The following SLC1A2 variants were observed in gnomAD, a reference collection of about 807,000 sequenced individuals.
SLC1A2 encodes solute carrier family 1 member 2, also known as excitatory amino acid transporter 2.
In SLC1A2, 15 loss-of-function variants were observed where a neutral mutation model predicts 48.8. The ratio of observed to expected loss-of-function variants is 0.31; its 90% confidence interval spans 0.21 to 0.47. SLC1A2 has a LOEUF of 0.47. SLC1A2 is among the 20% of genes least tolerant of loss of function. The pLI is 0.99. For missense variants in SLC1A2, 502 were observed against 730.5 expected (o/e 0.69, Z 3.61); for synonymous variants, 279 against 272.6 (o/e 1.02, Z -0.23).
intron 1 of SLC1A2, among the ~76,000 whole-genome samples, 167 bp from the exon 2 acceptor site, chr11:35,317,683 C>T (rs1001964864): frequency 3.9e-5 from 6 of 152,286 alleles, no homozygotes; most frequent in African/African-American, 1.4e-4. Context: ...GACAGGAGGA[C>T]ACACTGAGAA....
chr11:35,342,521 T>TTG (rs1555010560), intron 1 of SLC1A2, among the ~76,000 whole-genome samples: 133 of 151,282 alleles, frequency 8.8e-4, no homozygotes, highest in Admixed American at 2.6e-3. Context: ...GAGTGTTTTT[T>TTG]TTGTTGTTGT....
At position 35,281,059 on chromosome 11, in the gene SLC1A2, C is replaced by T. The variant is rs984694431; in HGVS notation, c.1287-58G>A. The T allele has an allele frequency of 8.2e-5, 121 of 1,475,898 alleles. 1 individual carries two copies. The South Asian group carries it at 1.5e-3, about 19-fold the overall frequency. The allele number at this position is 1,475,898 out of a possible 1,614,324, so 91.4% of individuals were successfully genotyped here. On this transcript the variant is annotated intron_variant, in intron 8 of 10. Coordinates refer to ENST00000278379, the MANE Select transcript of SLC1A2 (RefSeq NM_004171.4). Reference sequence around the variant, plus strand: ...TGGAAAGAATCTTAGCAAAACCAACCCTGGCAATTTTAAGCTCTAATTTTC... The same window carrying T: ...TGGAAAGAATCTTAGCAAAACCAACTCTGGCAATTTTAAGCTCTAATTTTC...
intron 1 of SLC1A2, among the ~76,000 whole-genome samples, chr11:35,327,667 C>A (rs992830216): frequency 4.8e-4 from 73 of 152,190 alleles, no homozygotes; most frequent in African/African-American, 1.7e-3. Flanking sequence ...AACTTTCTAA[C>A]AAATAAGCTA....
At chr11:35,358,410 CA>C (rs1166831298) in intron 1 of SLC1A2, among the ~76,000 whole-genome samples, 1 of 152,080 alleles carries the variant, frequency 6.6e-6, no homozygotes, top group Non-Finnish European at 1.5e-5. Context: ...AAATGAACTT[CA>C]AGGAATTCAT....
chr11:35,357,337 C>G (rs1269455626), intron 1 of SLC1A2, among the ~76,000 whole-genome samples: 1 of 151,494 alleles, frequency 6.6e-6, no homozygotes, highest in African/African-American at 2.4e-5. Flanking sequence ...GGCAGAAAAT[C>G]TAAATCAATG....
intron 3 of SLC1A2, among the ~76,000 whole-genome samples, chr11:35,313,975 C>A (rs1851788403): frequency 6.6e-6 from 1 of 152,126 alleles, no homozygotes; most frequent in Admixed American, 6.5e-5. Flanking sequence ...TGGCTGGTAC[C>A]CAAATATGGA....
At chr11:35,330,962 G>A (rs999969594) in intron 1 of SLC1A2, among the ~76,000 whole-genome samples, 11 of 152,160 alleles carry the variant, frequency 7.2e-5, no homozygotes, top group Non-Finnish European at 1.3e-4. Flanking sequence ...ATTTGTTACT[G>A]CAACAATGGG....
intron 1 of SLC1A2, among the ~76,000 whole-genome samples, chr11:35,356,656 C>T (rs866170300): frequency 6.6e-6 from 1 of 152,190 alleles, no homozygotes; most frequent in African/African-American, 2.4e-5. Context: ...TTCCTTTGCT[C>T]TTGTCGTTTA....
At chr11:35,350,157 C>T (rs565098535) in intron 1 of SLC1A2, among the ~76,000 whole-genome samples, 2 of 152,210 alleles carry the variant, frequency 1.3e-5, no homozygotes, top group African/African-American at 2.4e-5. Flanking sequence ...CAGAGGCCCA[C>T]TACTGGTTTT....
intron 1 of SLC1A2, among the ~76,000 whole-genome samples, chr11:35,366,633 A>G (rs1373703635): frequency 6.6e-6 from 1 of 152,086 alleles, no homozygotes; most frequent in Non-Finnish European, 1.5e-5. Context: ...TCATTTCTCC[A>G]TTCCCTGATT....
intron 1 of SLC1A2, among the ~76,000 whole-genome samples, chr11:35,349,172 G>A (rs1332076275): frequency 1.3e-5 from 2 of 152,184 alleles, no homozygotes; most frequent in Admixed American, 1.3e-4. Flanking sequence ...GGGGCACTGC[G>A]GGAGCCCGGG....
At chr11:35,378,955 G>A (rs1359857840) in intron 1 of SLC1A2, among the ~76,000 whole-genome samples, 9 of 152,200 alleles carry the variant, frequency 5.9e-5, no homozygotes, top group Non-Finnish European at 7.3e-5. Context: ...ATGGCCAGGC[G>A]CAGTGACTCA....
chr11:35,381,138 G>A (rs761901690), intron 1 of SLC1A2, among the ~76,000 whole-genome samples: 3 of 151,566 alleles, frequency 2.0e-5, no homozygotes, highest in South Asian at 2.1e-4. Context: ...TTCATCATTC[G>A]GGCAGCTTTT....
At chr11:35,394,245 C>A (rs1488171334) in intron 1 of SLC1A2, among the ~76,000 whole-genome samples, 1 of 152,094 alleles carries the variant, frequency 6.6e-6, no homozygotes, top group Non-Finnish European at 1.5e-5. Context: ...CTGTCTCCCA[C>A]GTGCCTTCAG....
chr11:35,353,912 C>T (rs936473313), intron 1 of SLC1A2, among the ~76,000 whole-genome samples: 2 of 152,046 alleles, frequency 1.3e-5, no homozygotes, highest in Non-Finnish European at 2.9e-5. Flanking sequence ...GGACTTAGTG[C>T]AATATTAATA....
In SLC1A2 at chr11:35,290,763, A is replaced by G. The variant is rs72922900; in HGVS notation, c.1091+1524T>C. On this transcript the variant is annotated intron_variant, in intron 7 of 10. Transcript: ENST00000278379. ...TTCAAGTGAAGATCTGTATGGATAG[A>G]GATACTTAGTCATGGAAAATTTATA... Among the ~76,000 whole-genome samples the G allele has an allele frequency of 3.7e-3, 563 of 150,980 alleles. 2 individuals are homozygous for G. Among genetic ancestry groups the G allele is most frequent in the Non-Finnish European group, 6.6e-3 (445 of 67,726 alleles).
chr11:35,305,146 G>C (rs539594237), intron 5 of SLC1A2, among the ~76,000 whole-genome samples: 1 of 152,290 alleles, frequency 6.6e-6, no homozygotes, highest in East Asian at 1.9e-4. Context: ...TGGAGGTTAC[G>C]GAAGGGAGTG....
At chr11:35,301,498 A>G (rs1388790775) in intron 6 of SLC1A2, 21 bp downstream of exon 6, 1 of 1,612,090 alleles carries the variant, frequency 6.2e-7, no homozygotes, top group African/African-American at 1.3e-5. Flanking sequence ...ACTGCTAAGA[A>G]GTAAGAACAA....
At chr11:35,340,687 T>C (rs1407082806) in intron 1 of SLC1A2, among the ~76,000 whole-genome samples, 2 of 152,228 alleles carry the variant, frequency 1.3e-5, no homozygotes, top group East Asian at 1.9e-4. Flanking sequence ...CAATCAGTAT[T>C]GGCCTGGTTC....
Sources: gnomAD v4.1 joint callset for allele counts (sites outside exome capture counted in the v4.1 genomes callset) on GRCh38, gnomAD v4.1.1 for gene constraint, MANE v1.5 for transcripts, NCBI Gene and HGNC (gene_info 2026-07-23, HGNC 2026-07-21) for gene names.